CNTN1: variants seen among roughly 807,000 people sequenced by gnomAD.
CNTN1 encodes contactin-1.
Under a neutral mutation model 126.4 loss-of-function variants are expected in CNTN1, and 38 were observed. That is an observed-to-expected ratio of 0.30 (90% confidence interval 0.23 to 0.39). CNTN1 has a LOEUF of 0.39. CNTN1 is among the 10% of genes least tolerant of loss of function. CNTN1 has a pLI of 1.00. For missense variants in CNTN1, 1,009 were observed against 1,248.4 expected (o/e 0.81, Z 2.89); for synonymous variants, 413 against 422.6 (o/e 0.98, Z 0.28).
At chr12:40,726,967 C>A (rs1427102674) in intron 1 of CNTN1, among the ~76,000 whole-genome samples, 1 of 149,514 alleles carries the variant, frequency 6.7e-6, no homozygotes, top group Non-Finnish European at 1.5e-5. Flanking sequence ...ATAAAAAATT[C>A]TAATCTGATT....
At chr12:40,842,151 G>A (rs898224376) in intron 1 of CNTN1, among the ~76,000 whole-genome samples, 1 of 152,004 alleles carries the variant, frequency 6.6e-6, no homozygotes, top group Non-Finnish European at 1.5e-5. Context: ...ACAGAATAAA[G>A]TGCCATTTGA....
chr12:40,752,967 C>G (rs950351733), intron 1 of CNTN1, among the ~76,000 whole-genome samples: 1 of 152,050 alleles, frequency 6.6e-6, no homozygotes, highest in African/African-American at 2.4e-5. Context: ...AATGTAGAAC[C>G]TAGAATCCCT....
intron 16 of CNTN1, among the ~76,000 whole-genome samples, chr12:40,985,615 C>G (rs1266149435): frequency 6.6e-6 from 1 of 152,110 alleles, no homozygotes; most frequent in African/African-American, 2.4e-5. Flanking sequence ...TGATATGTCC[C>G]TTTTATGTGA....
At chr12:41,026,039 G>A (rs1949031439) in intron 21 of CNTN1, among the ~76,000 whole-genome samples, 2 of 152,210 alleles carry the variant, frequency 1.3e-5, no homozygotes, top group South Asian at 2.1e-4. Context: ...ATGACAGAAT[G>A]TAGTGACAAG....
chr12:40,794,123 A>G (rs1940321415), intron 1 of CNTN1, among the ~76,000 whole-genome samples: 1 of 152,086 alleles, frequency 6.6e-6, no homozygotes, highest in East Asian at 1.9e-4. Context: ...TCATTGTACA[A>G]TGAGGAAACC....
chr12:40,845,284 AG>A (rs1249008781), intron 1 of CNTN1, among the ~76,000 whole-genome samples: 1 of 152,228 alleles, frequency 6.6e-6, no homozygotes, highest in Non-Finnish European at 1.5e-5. Flanking sequence ...AAAATTGATT[AG>A]AATTGTTAGC....
intron 1 of CNTN1, among the ~76,000 whole-genome samples, chr12:40,720,003 A>ATTTTTTT (rs561694238): frequency 5.5e-5 from 7 of 127,234 alleles, no homozygotes; most frequent in East Asian, 2.3e-4. Flanking sequence ...CGCCCGGTTA[A>ATTTTTTT]TTTTTTTTTT....
intron 1 of CNTN1, among the ~76,000 whole-genome samples, chr12:40,860,580 A>G (rs1305000): frequency 0.39 from 58,964 of 151,900 alleles, 13,120 homozygotes; most frequent in African/African-American, 0.62. Flanking sequence ...GTAATGTCTC[A>G]TAGAACTCAA....
At chr12:40,862,135 T>C (rs891090734) in intron 1 of CNTN1, among the ~76,000 whole-genome samples, 5 of 151,550 alleles carry the variant, frequency 3.3e-5, no homozygotes, top group Non-Finnish European at 7.4e-5. Context: ...GCCCAGGAGT[T>C]TGAGGTTGCA....
At chr12:41,042,009 G>A (rs1949426254) in intron 23 of CNTN1, among the ~76,000 whole-genome samples, 1 of 152,022 alleles carries the variant, frequency 6.6e-6, no homozygotes, top group Non-Finnish European at 1.5e-5. Context: ...TGTGATGTTA[G>A]GGTGTCAGTT....
chr12:40,939,606 A>C, intron 12 of CNTN1, 121 bp downstream of exon 12: 1 of 1,055,240 alleles, frequency 9.5e-7, no homozygotes, highest in South Asian at 1.4e-5. Context: ...TTTTCACAGA[A>C]GATCCTGTAG....
chr12:41,036,371 T>C (rs1949264447), intron 23 of CNTN1, among the ~76,000 whole-genome samples: 1 of 152,084 alleles, frequency 6.6e-6, no homozygotes, highest in African/African-American at 2.4e-5. Flanking sequence ...GCTTCATACC[T>C]TCTAAAAAAA....
At chr12:40,873,691 T>A (rs887810600) in intron 1 of CNTN1, among the ~76,000 whole-genome samples, 1 of 152,172 alleles carries the variant, frequency 6.6e-6, no homozygotes, top group Non-Finnish European at 1.5e-5. Context: ...AATACAATTT[T>A]AAGATGTACC....
chr12:40,965,598 A>G (rs1947277173), intron 15 of CNTN1, among the ~76,000 whole-genome samples: 1 of 152,194 alleles, frequency 6.6e-6, no homozygotes, highest in African/African-American at 2.4e-5. Context: ...AAAGACATGC[A>G]TTATAAACAG....
At chr12:40,846,695 G>T (rs202088859) in intron 1 of CNTN1, among the ~76,000 whole-genome samples, 2 of 96,618 alleles carry the variant, frequency 2.1e-5, no homozygotes, top group Non-Finnish European at 4.7e-5. Flanking sequence ...TTAAATTTTT[G>T]TTGTTGTTGC....
chr12:40,986,799 A>G (rs748745882), intron 16 of CNTN1, among the ~76,000 whole-genome samples: 2 of 152,170 alleles, frequency 1.3e-5, no homozygotes, highest in Non-Finnish European at 2.9e-5. Context: ...TTTCTTGAGT[A>G]CACATGATGA....
At chr12:40,763,992 G>A (rs532301435) in intron 1 of CNTN1, among the ~76,000 whole-genome samples, 1 of 152,230 alleles carries the variant, frequency 6.6e-6, no homozygotes, top group South Asian at 2.1e-4. Context: ...GAAATAGCAT[G>A]AGCCAAGCCA....
chr12:40,758,251 T>C (rs1938690041), intron 1 of CNTN1, among the ~76,000 whole-genome samples: 1 of 151,820 alleles, frequency 6.6e-6, no homozygotes, highest in Admixed American at 6.6e-5. Flanking sequence ...TTTTATACAG[T>C]AGTTGATTTC....
At chr12:41,038,906 G>A (rs975720130) in intron 23 of CNTN1, among the ~76,000 whole-genome samples, 1 of 151,960 alleles carries the variant, frequency 6.6e-6, no homozygotes, top group Non-Finnish European at 1.5e-5. Context: ...AAAAAAAATG[G>A]AATAAAGTGA....
Sources: allele counts gnomAD v4.1 joint callset (sites outside exome capture counted in the v4.1 genomes callset), GRCh38; gene constraint gnomAD v4.1.1; transcripts MANE v1.5; gene names NCBI Gene and HGNC (gene_info 2026-07-23, HGNC 2026-07-21).